Variants in PPP6R1 observed in about 807,000 individuals in gnomAD.
The protein encoded by PPP6R1 is serine/threonine-protein phosphatase 6 regulatory subunit 1.
In PPP6R1, 39 loss-of-function variants were observed where a neutral mutation model predicts 104.6. That is an observed-to-expected ratio of 0.37 (90% CI 0.29 to 0.49). The LOEUF (loss-of-function observed/expected upper bound fraction) is 0.49, where lower values mean the gene tolerates loss of function less well. PPP6R1 is among the 20% of genes least tolerant of loss of function. PPP6R1 has a pLI of 0.98. For missense variants in PPP6R1, 1,181 were observed against 1,155.8 expected (o/e 1.02, Z -0.32); for synonymous variants, 549 against 479.0 (o/e 1.15, Z -1.91).
At chr19:55,256,568 TG>T (rs1361174924) in intron 1 of PPP6R1, among the ~76,000 whole-genome samples, 2 of 152,326 alleles carry the variant, frequency 1.3e-5, no homozygotes, top group Admixed American at 6.5e-5. Flanking sequence ...CCCAGCTCTC[TG>T]GGAGGCTAGG....
At chr19:55,249,403 G>A (rs1041969109) in intron 1 of PPP6R1, among the ~76,000 whole-genome samples, 1 of 151,976 alleles carries the variant, frequency 6.6e-6, no homozygotes, top group African/African-American at 2.4e-5. Context: ...CACCACACCC[G>A]GCTAATTTTT....
In PPP6R1 at chr19:55,231,469, G is replaced by A. The variant is rs769686271; in HGVS notation, c.2400C>T (p.Ser800=). 9.9e-6 allele frequency: 16 copies of A among 1,608,562 alleles called. No individual in the cohort carries two copies. The South Asian group carries it at 1.8e-4, about 18-fold the overall frequency. The part of the protein sequence containing the change: ...EPSAPCQALV[S]IGDLQATFHG... The stretch of plus-strand genomic sequence containing the variant: ...GGAAGGTGGCCTGAAGGTCCCCGAT[G>A]CTAACCAAGGCCTGGCAAGGGGCTG... The change falls in exon 21 of 24, where the codon AGC becomes AGT. Residue 800 remains serine (S), a synonymous_variant. Coordinates refer to ENST00000412770, the MANE Select transcript of PPP6R1 (RefSeq NM_014931.4).
In PPP6R1 at chr19:55,230,616, G is replaced by A; in HGVS notation, c.2639C>T (p.Ser880Phe). 6.2e-7 allele frequency: 1 copy of A among 1,612,376 alleles called. No individual in the cohort carries two copies. Among genetic ancestry groups the A allele is most frequent in the Non-Finnish European group, 8.5e-7 (1 of 1,179,154 alleles). Residue 880 changes from serine (S) to phenylalanine (F), a missense_variant, in exon 23 of 24, where the codon TCC (serine) becomes TTC (phenylalanine). Ser to Phe is a radical substitution (Grantham distance 155). Coordinates refer to ENST00000412770, the MANE Select transcript of PPP6R1 (RefSeq NM_014931.4). ...CCGAGGCTGCAGCCACACTCACTGG[G>A]AGCCTGGGGATGCAGGCCCTTCCGG... Reference protein sequence around the residue: ...SAPEGPASPGSQ With the variant: ...SAPEGPASPGFQ
chr19:55,231,924 T>G lies in PPP6R1; in HGVS notation c.2184A>C (p.Arg728=), dbSNP rs937235798. 1.3e-6 allele frequency: 2 copies of G among 1,563,296 alleles called. No homozygotes were observed. Among genetic ancestry groups the G allele is most frequent in the Admixed American group, 3.7e-5 (2 of 54,584 alleles). Residue 728 remains arginine, a synonymous_variant, in exon 19 of 24, where the codon CGA becomes CGC. Transcript: ENST00000412770. The stretch of plus-strand genomic sequence containing the variant: ...TGTGCAGCTCTTCCTCCCCGGAGAC[T>G]CGGGGGCTGGTCGGGGCATCTGTAG... ...PVPTDAPTSP[R]VSGEEELHTG... is the part of the protein sequence containing the mutation.
chr19:55,231,216 C>CCAAGCAA (rs1237197507), intron 21 of PPP6R1, among the ~76,000 whole-genome samples, 194 bp downstream of exon 21: 3 of 152,144 alleles, frequency 2.0e-5, no homozygotes, highest in African/African-American at 7.2e-5. Flanking sequence ...CTCAAGGGCC[C>CCAAGCAA]CAAGCATCCC....
chr19:55,240,000 C>T lies in PPP6R1; in HGVS notation c.1476G>A (p.Lys492=). The change falls in exon 12 of 24, where the codon AAG becomes AAA. Residue 492 remains lysine, a splice_region_variant and synonymous_variant. Transcript: ENST00000412770. ...TCAGGCCGGCCTGGGGACCCTCACC[C>T]TTCAGCAGCTGCCGCAGCTGCTCTG... is the stretch of plus-strand genomic sequence containing the variant. ...PNAEQLRQLL[K]ELPSEQQEQW... 1.9e-6 allele frequency: 3 copies of T among 1,605,366 alleles called. No homozygotes were observed. Among genetic ancestry groups the T allele is most frequent in the Non-Finnish European group, 2.5e-6 (3 of 1,176,568 alleles).
At chr19:55,230,586 C>T in intron 23 of PPP6R1, 27 bp downstream of exon 23, 2 of 1,613,076 alleles carry the variant, frequency 1.2e-6, no homozygotes, top group Admixed American at 3.3e-5. Flanking sequence ...CCCCACCTAC[C>T]CAGCCCGAGG....
chr19:55,242,081 T>C (rs1184963939), intron 7 of PPP6R1, 85 bp downstream of exon 7: 2 of 1,302,954 alleles, frequency 1.5e-6, no homozygotes, highest in Admixed American at 3.9e-5. Flanking sequence ...GGATTTCTCT[T>C]GGTGGACACC....
intron 15 of PPP6R1, 27 bp downstream of exon 15, chr19:55,239,378 C>T (rs368227142): frequency 1.9e-6 from 3 of 1,592,420 alleles, no homozygotes; most frequent in African/African-American, 1.3e-5. Context: ...CAGGACAGGG[C>T]TGTGACCCTG....
intron 7 of PPP6R1, 98 bp downstream of exon 7, chr19:55,242,068 C>T (rs962265569): frequency 2.8e-5 from 32 of 1,153,180 alleles, no homozygotes; most frequent in South Asian, 9.2e-5. Flanking sequence ...GTGCCACGGG[C>T]GGGGATTTCT....
rs1466823070 is a variant in PPP6R1 at position 55,231,645 on chromosome 19, G to GA, written c.2329dup (p.Ser777PhefsTer24). On this transcript the variant is annotated frameshift_variant, in exon 20 of 24. Coordinates refer to ENST00000412770, the MANE Select transcript of PPP6R1 (RefSeq NM_014931.4). LOFTEE classifies it high-confidence loss of function. ...GCCTTCTGTGGCTTCCTGAGGTGCT[G>GA]AGGGGGGTGTGGGGTCCTGAGACCT... 1 of 1,611,082 alleles carries GA rather than the reference G, an allele frequency of 6.2e-7. No homozygotes were observed. The highest frequency in any genetic ancestry group is 8.5e-7 in the Non-Finnish European group (1 of 1,178,600).
intron 22 of PPP6R1, 38 bp downstream of exon 22, chr19:55,230,736 C>T: frequency 6.8e-7 from 1 of 1,471,458 alleles, no homozygotes; most frequent in Non-Finnish European, 9.1e-7. Context: ...CCCACCAGCC[C>T]CACCCCCACC....
At chr19:55,233,755 C>T (rs750299222) in intron 17 of PPP6R1, among the ~76,000 whole-genome samples, 14 of 152,120 alleles carry the variant, frequency 9.2e-5, no homozygotes, top group African/African-American at 3.1e-4. Flanking sequence ...CTAAAACCTA[C>T]GAAACATTGT....
intron 17 of PPP6R1, among the ~76,000 whole-genome samples, chr19:55,233,678 C>T (rs1399689539): frequency 1.3e-5 from 2 of 152,074 alleles, no homozygotes; most frequent in Admixed American, 6.5e-5. Context: ...CAAGAAAATT[C>T]CATTTACAAT....
chr19:55,228,322 G>C (rs369160495), downstream of PPP6R1: 8 of 1,613,712 alleles, frequency 5.0e-6, no homozygotes, highest in Middle Eastern at 1.6e-4. Flanking sequence ...GCAGAGGACG[G>C]GCAGGCACTT....
chr19:55,236,594 C>T (rs143757689), intron 17 of PPP6R1, 49 bp downstream of exon 17: 3 of 1,466,290 alleles, frequency 2.0e-6, no homozygotes, highest in Non-Finnish European at 2.7e-6. Context: ...ACCCCTTGGC[C>T]CTGCCGTGTG....
At chr19:55,251,421 G>A (rs1168259201) in intron 1 of PPP6R1, among the ~76,000 whole-genome samples, 1 of 152,168 alleles carries the variant, frequency 6.6e-6, no homozygotes, top group Non-Finnish European at 1.5e-5. Context: ...CAGGGCGTTA[G>A]ACGAAGTGAA....
chr19:55,248,134 G>C (rs549364548), intron 1 of PPP6R1, among the ~76,000 whole-genome samples: 3 of 152,344 alleles, frequency 2.0e-5, no homozygotes, highest in African/African-American at 7.2e-5. Context: ...CAGAGCCCTA[G>C]AAAGCCTCCA....
At chr19:55,248,540 C>A (rs2087528889) in intron 1 of PPP6R1, among the ~76,000 whole-genome samples, 1 of 152,258 alleles carries the variant, frequency 6.6e-6, no homozygotes. Flanking sequence ...CTCCCGCAGG[C>A]CCTCACCACC....
Sources: gnomAD v4.1 joint callset for allele counts (sites outside exome capture counted in the v4.1 genomes callset) on GRCh38, gnomAD v4.1.1 for gene constraint, MANE v1.5 for transcripts, NCBI Gene and HGNC (gene_info 2026-07-23, HGNC 2026-07-21) for gene names.